PLOD2: variants seen among roughly 807,000 people sequenced by gnomAD.
PLOD2 encodes the protein lysine hydroxylase 2.
PLOD2 carries 65 observed loss-of-function variants against 101.0 expected under a neutral mutation model. The ratio of observed to expected loss-of-function variants is 0.64; its 90% CI spans 0.53 to 0.79. PLOD2 has a LOEUF of 0.79. Ranked by LOEUF, PLOD2 falls within the 30% of genes least tolerant of loss-of-function variation. The probability of loss-of-function intolerance (pLI) is 0.00; values close to 1 mark genes in which losing one functional copy is unlikely to be tolerated. For missense variants in PLOD2, 909 were observed against 914.6 expected (o/e 0.99, Z 0.08); for synonymous variants, 314 against 302.9 (o/e 1.04, Z -0.38).
At chr3:146,139,097 G>C (rs190536271) in intron 1 of PLOD2, among the ~76,000 whole-genome samples, 1 of 152,230 alleles carries the variant, frequency 6.6e-6, no homozygotes, top group Admixed American at 6.5e-5. Flanking sequence ...CAGTGTTCTA[G>C]GTTAGAGACC....
chr3:146,088,056 A>C (rs1936845280), intron 9 of PLOD2, among the ~76,000 whole-genome samples: 2 of 151,806 alleles, frequency 1.3e-5, no homozygotes, highest in South Asian at 4.1e-4. Context: ...ACTGAGGAAA[A>C]ATATTTTCAA....
In PLOD2 at chr3:146,096,011, C is replaced by T. The variant is rs1224215426; in HGVS notation, c.778-4110G>A. ...GCCTGATTCTCCTGCCTCAGCCTGC[C>T]GAGTGCCTGCGATTGCAGGCGCGCG... On this transcript the variant is annotated intron_variant, in intron 7 of 19. Coordinates refer to ENST00000282903, the MANE Select transcript of PLOD2 (RefSeq NM_182943.3). 4.8e-5 allele frequency among the ~76,000 whole-genome samples: 7 copies of T among 147,284 alleles called. No homozygotes were observed. The South Asian group carries it at 6.6e-4, about 14-fold the overall frequency.
rs1385601013 is a variant in PLOD2 at position 146,160,962 on chromosome 3, G to A, written c.28C>T (p.Leu10=). MGGCTVKPQ[L]LLLALVLHPW... Reference sequence around the variant, plus strand: ...TGGAGGACGAGCGCCAGGAGCAGCAGCTGAGGCTTCACCGTGCATCCCCCC... The same window carrying A: ...TGGAGGACGAGCGCCAGGAGCAGCAACTGAGGCTTCACCGTGCATCCCCCC... Residue 10 remains leucine, a synonymous_variant, in exon 1 of 20, where the codon CTG becomes TTG. Coordinates refer to ENST00000282903, the MANE Select transcript of PLOD2 (RefSeq NM_182943.3). 2 of 1,596,916 alleles carry A rather than the reference G, an allele frequency of 1.3e-6. No individual in the cohort carries two copies. Among genetic ancestry groups the A allele is most frequent in the Admixed American group, 1.7e-5 (1 of 58,142 alleles).
At chr3:146,158,619 G>T (rs4681301) in intron 1 of PLOD2, among the ~76,000 whole-genome samples, 50,967 of 151,664 alleles carry the variant, frequency 0.34, 8,674 homozygotes, top group South Asian at 0.42. Context: ...TCTAATCCAG[G>T]GATTCTTAAC....
chr3:146,096,874 G>C (rs80164629), intron 7 of PLOD2, among the ~76,000 whole-genome samples: 34,393 of 77,948 alleles, frequency 0.44, 8,757 homozygotes, highest in East Asian at 0.53. Context: ...CCGTCCGGGA[G>C]GGAGGTGGGG....
chr3:146,123,271 A>G, intron 2 of PLOD2: 1 of 1,144,614 alleles, frequency 8.7e-7, no homozygotes, highest in Middle Eastern at 2.4e-4. Context: ...CTACCTAGGT[A>G]TCTCCTTGTT....
In PLOD2 at chr3:146,120,414, A is replaced by C. The variant is rs549252105; in HGVS notation, c.338+698T>G. Among the ~76,000 whole-genome samples the C allele has an allele frequency of 2.8e-4, 43 of 152,238 alleles. No homozygotes were observed. In the East Asian group the frequency reaches 8.3e-3, roughly 29 times the overall value. ...ATGGTGCTGGGAAAACTGGCTAGCC[A>C]TATGTAGAAAGCTGAAACTTGATCC... is the stretch of plus-strand genomic sequence containing the variant. On this transcript the variant is annotated intron_variant, in intron 3 of 19. Transcript: ENST00000282903.
intron 2 of PLOD2, among the ~76,000 whole-genome samples, chr3:146,123,660 G>GA (rs1165969480): frequency 1.6e-4 from 25 of 151,794 alleles, no homozygotes. Flanking sequence ...TGCAGTCAGT[G>GA]AAAAAAATCC....
chr3:146,071,553 T>C (rs185186839), intron 17 of PLOD2, 130 bp from the exon 18 acceptor site: 172 of 857,110 alleles, frequency 2.0e-4, no homozygotes, highest in Admixed American at 8.7e-4. Context: ...TGGTATATCA[T>C]CTGCTTTAAC....
chr3:146,096,765 C>A (rs1937180339), intron 7 of PLOD2, among the ~76,000 whole-genome samples: 2 of 149,320 alleles, frequency 1.3e-5, no homozygotes, highest in Non-Finnish European at 3.0e-5. Flanking sequence ...GGGGGGTCAG[C>A]CCCCCGCCCA....
chr3:146,155,714 C>CAAAAAAAAAAAA (rs766107067), intron 1 of PLOD2, among the ~76,000 whole-genome samples: 1 of 54,038 alleles, frequency 1.9e-5, no homozygotes, highest in African/African-American at 6.8e-5. Context: ...GACTCTGTCT[C>CAAAAAAAAAAAA]AAAAAAAAAA....
chr3:146,160,244 CGA>C (rs150248322), intron 1 of PLOD2, among the ~76,000 whole-genome samples: 1 of 152,258 alleles, frequency 6.6e-6, no homozygotes, highest in East Asian at 1.9e-4. Context: ...CTTCTGAAAA[CGA>C]GAGACAGCAC....
At chr3:146,115,768 T>C (rs976989200) in intron 3 of PLOD2, among the ~76,000 whole-genome samples, 1 of 152,194 alleles carries the variant, frequency 6.6e-6, no homozygotes, top group Non-Finnish European at 1.5e-5. Context: ...AGTAAATATT[T>C]ACTCTCTGGC....
At chr3:146,105,528 G>A (rs1576598031) in intron 5 of PLOD2, among the ~76,000 whole-genome samples, 1 of 152,184 alleles carries the variant, frequency 6.6e-6, no homozygotes, top group East Asian at 1.9e-4. Context: ...AATCTCAGAG[G>A]AAGGTCTCTG....
intron 1 of PLOD2, among the ~76,000 whole-genome samples, chr3:146,157,716 A>G (rs765632695): frequency 6.6e-6 from 1 of 152,190 alleles, no homozygotes; most frequent in Non-Finnish European, 1.5e-5. Context: ...TCTCTATAGT[A>G]GTTTTATATG....
rs1229127587 is a variant in PLOD2, at chr3:146,084,301, G to T, written c.1232+868C>A. On this transcript the variant is annotated intron_variant, in intron 11 of 19. Coordinates refer to ENST00000282903, the MANE Select transcript of PLOD2 (RefSeq NM_182943.3). Reference sequence around the variant, plus strand: ...GCTATACAGTTGGGCTGTATATACAGGTTGCTACAGAGAGGTCTTAGATTT... The same window carrying T: ...GCTATACAGTTGGGCTGTATATACATGTTGCTACAGAGAGGTCTTAGATTT... 2.0e-5 allele frequency among the ~76,000 whole-genome samples: 3 copies of T among 151,910 alleles called. No homozygotes were observed. The East Asian group carries it at 5.8e-4, about 29-fold the overall frequency.
chr3:146,115,666 A>G (rs1282234480), intron 3 of PLOD2, among the ~76,000 whole-genome samples: 2 of 152,170 alleles, frequency 1.3e-5, no homozygotes, highest in Admixed American at 6.5e-5. Flanking sequence ...TCACTCATAA[A>G]TAAGACTGTC....
intron 15 of PLOD2, among the ~76,000 whole-genome samples, chr3:146,074,801 C>T (rs534347010): frequency 2.0e-5 from 3 of 151,520 alleles, no homozygotes; most frequent in African/African-American, 7.2e-5. Context: ...CAAACTGTGA[C>T]TTTATTAATT....
intron 1 of PLOD2, 95 bp from the exon 2 acceptor site, chr3:146,124,324 G>A (rs1322989495): frequency 1.7e-5 from 12 of 715,274 alleles, no homozygotes; most frequent in Non-Finnish European, 2.5e-5. Context: ...CACTAAACCC[G>A]TGGGAATATT....
Sources: allele counts gnomAD v4.1 joint callset (sites outside exome capture counted in the v4.1 genomes callset), GRCh38; gene constraint gnomAD v4.1.1; transcripts MANE v1.5; gene names NCBI Gene and HGNC (gene_info 2026-07-23, HGNC 2026-07-21).